Variants in POLDIP3 observed in about 807,000 individuals in gnomAD.
POLDIP3 encodes DNA polymerase delta interacting protein 3.
A neutral mutation model predicts 45.1 loss-of-function variants in POLDIP3; 14 were observed. That is an observed-to-expected ratio of 0.31 (90% CI 0.20 to 0.49). The LOEUF (loss-of-function observed/expected upper bound fraction) is 0.49. Among genes scored for constraint, POLDIP3 ranks in the 20% least tolerant of loss-of-function variants. POLDIP3 has a pLI of 0.99. For synonymous variants in POLDIP3, 223 were observed against 205.2 expected (o/e 1.09, Z -0.74); for missense variants, 511 against 538.8 (o/e 0.95, Z 0.51).
intron 7 of POLDIP3, among the ~76,000 whole-genome samples, chr22:42,590,206 CAT>C (rs568590083): frequency 1.1e-3 from 173 of 152,292 alleles, no homozygotes; most frequent in African/African-American, 4.0e-3. Flanking sequence ...CACATACAGT[CAT>C]GTATCATTTA....
At chr22:42,598,454 T>A (rs952511223) in intron 4 of POLDIP3, among the ~76,000 whole-genome samples, 2 of 151,884 alleles carry the variant, frequency 1.3e-5, no homozygotes, top group African/African-American at 4.8e-5. Context: ...GGTTTCACCA[T>A]GTTTGCCAGG....
In POLDIP3 at chr22:42,585,809, T is replaced by A. The variant is rs369138457; in HGVS notation, c.1248A>T (p.Glu416Asp). The change falls in exon 9 of 9, where the codon GAA becomes GAT. Residue 416 changes from glutamate to aspartate, a missense_variant. Transcript: ENST00000252115. ...CCCCTGCTCAAAGCTTGATTTTGAA[T>A]TCTGTGGGCTGCGTGGTCACAGAGG... is the stretch of plus-strand genomic sequence containing the variant. ...SGASVTTQPT[E>D]FKIKL 1.2e-5 allele frequency: 20 copies of A among 1,611,972 alleles called. No homozygotes were observed. The African/African-American group carries it at 2.5e-4, about 20-fold the overall frequency.
At chr22:42,597,583 T>C (rs1926073013) in intron 4 of POLDIP3, 1 of 388,238 alleles carries the variant, frequency 2.6e-6, no homozygotes, top group Non-Finnish European at 5.3e-6. Flanking sequence ...ACGAGGGTAA[T>C]CAACAGTACC....
intron 1 of POLDIP3, among the ~76,000 whole-genome samples, chr22:42,612,656 T>C (rs1186557032): frequency 6.6e-6 from 1 of 151,964 alleles, no homozygotes; most frequent in East Asian, 1.9e-4. Flanking sequence ...TAAAACCCCA[T>C]CTCTACTAAA....
chr22:42,592,621 G>A (rs1925739481), intron 6 of POLDIP3, among the ~76,000 whole-genome samples: 1 of 152,154 alleles, frequency 6.6e-6, no homozygotes, highest in Non-Finnish European at 1.5e-5. Flanking sequence ...TGATCCCCCA[G>A]GCTCTGCTTT....
In POLDIP3 at chr22:42,595,611, C is replaced by T. The variant is rs1234636827; in HGVS notation, c.817G>A (p.Val273Ile). ...PPKELPAAEP[V>I]LSPLEGTKMT... ...TTGGTGCCTTCCAATGGGCTGAGAACAGGCTGCCACACAGACAAGAGCATT... is the reference window on the plus strand; with the variant it reads ...TTGGTGCCTTCCAATGGGCTGAGAATAGGCTGCCACACAGACAAGAGCATT... The change falls in exon 6 of 9, where the codon GTT becomes ATT. Residue 273 changes from valine (V) to isoleucine (I), a missense_variant. By Grantham distance (29) the Val-to-Ile change is conservative (BLOSUM62 3). Coordinates refer to ENST00000252115, the MANE Select transcript of POLDIP3 (RefSeq NM_032311.5). 2 of 1,613,736 alleles carry T rather than the reference C, an allele frequency of 1.2e-6. No homozygotes were observed. Among genetic ancestry groups the T allele is most frequent in the Non-Finnish European group, 1.7e-6 (2 of 1,179,808 alleles).
At chr22:42,597,461 G>A (rs1926065301) in intron 4 of POLDIP3, among the ~76,000 whole-genome samples, 2 of 152,126 alleles carry the variant, frequency 1.3e-5, no homozygotes, top group Admixed American at 1.3e-4. Flanking sequence ...CTCCACACAG[G>A]GCCCTGAGAG....
chr22:42,587,650 A>G (rs1456985156), intron 7 of POLDIP3, 78 bp from the exon 8 acceptor site: 5 of 1,365,692 alleles, frequency 3.7e-6, no homozygotes, highest in Non-Finnish European at 5.2e-6. Flanking sequence ...CTGTACCTCC[A>G]TTATCAATGG....
At chr22:42,600,151 T>G (rs1292061136) in intron 3 of POLDIP3, among the ~76,000 whole-genome samples, 1 of 152,212 alleles carries the variant, frequency 6.6e-6, no homozygotes, top group Non-Finnish European at 1.5e-5. Context: ...GAGCTTTATT[T>G]ACAAAGATGT....
At chr22:42,586,395 T>G (rs1254879295) in intron 8 of POLDIP3, among the ~76,000 whole-genome samples, 1 of 152,118 alleles carries the variant, frequency 6.6e-6, no homozygotes, top group Non-Finnish European at 1.5e-5. Context: ...AGTGGCATGA[T>G]GATGGCTCAC....
intron 1 of POLDIP3, among the ~76,000 whole-genome samples, chr22:42,608,170 AAAG>A (rs1438604759): frequency 6.6e-6 from 1 of 152,230 alleles, no homozygotes; most frequent in Non-Finnish European, 1.5e-5. Flanking sequence ...GTCTGTGTAG[AAAG>A]AAGTAGACGT....
chr22:42,604,419 T>C (rs1432430900), intron 1 of POLDIP3, among the ~76,000 whole-genome samples: 1 of 152,180 alleles, frequency 6.6e-6, no homozygotes, highest in Non-Finnish European at 1.5e-5. Context: ...CCACCCTAGA[T>C]GCTGAATCCA....
intron 6 of POLDIP3, among the ~76,000 whole-genome samples, chr22:42,593,672 C>T (rs1925809021): frequency 6.6e-6 from 1 of 152,194 alleles, no homozygotes; most frequent in Non-Finnish European, 1.5e-5. Context: ...GCACGTGCCA[C>T]CACGCCTGGC....
In POLDIP3 at chr22:42,602,871, C is replaced by A; in HGVS notation, c.349G>T (p.Ala117Ser). 1 of 1,613,772 alleles carries A rather than the reference C, an allele frequency of 6.2e-7. No individual in the cohort carries two copies. The highest frequency in any genetic ancestry group is 8.5e-7 in the Non-Finnish European group (1 of 1,180,014). ...VPQKPRQVAD[A>S]REKISLKRSS... The stretch of plus-strand genomic sequence containing the variant: ...CTCTTCAAGCTGATCTTCTCCCGGG[C>A]ATCAGCAACCTGGCGGGGCTTCTGG... The change falls in exon 2 of 9, where the codon GCC becomes TCC. Residue 117 changes from alanine to serine, a missense_variant. Transcript: ENST00000252115.
chr22:42,601,037 G>A (rs1477528419), intron 3 of POLDIP3, among the ~76,000 whole-genome samples: 1 of 152,018 alleles, frequency 6.6e-6, no homozygotes, highest in Non-Finnish European at 1.5e-5. Flanking sequence ...CAAGGCTGCA[G>A]TGAGCCATGA....
chr22:42,613,595 T>C (rs1294720785), intron 1 of POLDIP3, among the ~76,000 whole-genome samples: 1 of 152,086 alleles, frequency 6.6e-6, no homozygotes, highest in Non-Finnish European at 1.5e-5. Context: ...CTTCCATCTC[T>C]ACTAAAAATA....
At chr22:42,590,880 C>T (rs1047914468) in intron 7 of POLDIP3, among the ~76,000 whole-genome samples, 4 of 151,832 alleles carry the variant, frequency 2.6e-5, no homozygotes, top group South Asian at 2.1e-4. Flanking sequence ...GAGACCAGCC[C>T]GGCCAACATG....
In POLDIP3 at chr22:42,602,902, C is replaced by G; in HGVS notation, c.318G>C (p.Thr106=). 1 of 1,613,856 alleles carries G rather than the reference C, an allele frequency of 6.2e-7. No homozygotes were observed. Among genetic ancestry groups the G allele is most frequent in the African/African-American group, 1.3e-5 (1 of 74,950 alleles). ...CAACCTGGCGGGGCTTCTGGGGCAC[C>G]GTGGTCTGCTGCTTGCGAGAGTTCA... ...EMLNSRKQQT[T]VPQKPRQVAD... Residue 106 remains threonine, a synonymous_variant, in exon 2 of 9, where the codon ACG becomes ACC. Coordinates refer to ENST00000252115, the MANE Select transcript of POLDIP3 (RefSeq NM_032311.5).
At chr22:42,597,610 A>C in intron 4 of POLDIP3, 1 of 444,618 alleles carries the variant, frequency 2.2e-6, no homozygotes, top group Non-Finnish European at 4.6e-6. Flanking sequence ...ACAGGGTACA[A>C]GACGCATGAG....
Sources: allele counts gnomAD v4.1 joint callset (sites outside exome capture counted in the v4.1 genomes callset), GRCh38; gene constraint gnomAD v4.1.1; transcripts MANE v1.5; gene names NCBI Gene and HGNC (gene_info 2026-07-23, HGNC 2026-07-21).